The following PARM1 variants were observed in gnomAD, a reference collection of about 807,000 sequenced individuals.
The protein encoded by PARM1 is WSC4, cell wall integrity and stress response component 4 homolog.
A neutral mutation model predicts 24.6 loss-of-function variants in PARM1; 14 were observed. The observed-to-expected ratio is 0.57, with a 90% CI of 0.38 to 0.89. The LOEUF is 0.89. PARM1 is among the 40% of genes least tolerant of loss of function. The pLI is 0.00. For synonymous variants in PARM1, 179 were observed against 156.6 expected, an observed-to-expected ratio of 1.14 and a Z score of -1.07; for missense variants, 362 against 380.4, an observed-to-expected ratio of 0.95 and a Z score of 0.40.
intron 1 of PARM1, 140 bp downstream of exon 1, chr4:74,933,510 G>C: frequency 2.8e-6 from 2 of 710,084 alleles, no homozygotes; most frequent in East Asian, 2.7e-5. Context: ...TGCGCACTTA[G>C]ATTTGGGGTG....
At chr4:74,944,457 G>C (rs1313840566) in intron 1 of PARM1, among the ~76,000 whole-genome samples, 4 of 152,136 alleles carry the variant, frequency 2.6e-5, no homozygotes, top group Non-Finnish European at 5.9e-5. Flanking sequence ...TGGCCCCAGA[G>C]AGTAGCTCTG....
intron 1 of PARM1, among the ~76,000 whole-genome samples, chr4:74,958,034 G>A (rs1721679291): frequency 6.6e-6 from 1 of 152,112 alleles, no homozygotes; most frequent in South Asian, 2.1e-4. Flanking sequence ...AGAGGCTTGG[G>A]AATAACTACT....
intron 1 of PARM1, among the ~76,000 whole-genome samples, chr4:75,002,549 A>C (rs1722701757): frequency 6.6e-6 from 1 of 152,150 alleles, no homozygotes; most frequent in African/African-American, 2.4e-5. Context: ...TGTGACCTGC[A>C]GGCACAGGAG....
At chr4:75,011,556 T>G (rs548984730) in intron 1 of PARM1, among the ~76,000 whole-genome samples, 1 of 152,252 alleles carries the variant, frequency 6.6e-6, no homozygotes, top group Non-Finnish European at 1.5e-5. Context: ...AGGAGAGTAC[T>G]GGCACATAAA....
chr4:74,983,051 G>C (rs1159174538), intron 1 of PARM1, among the ~76,000 whole-genome samples: 1 of 152,194 alleles, frequency 6.6e-6, no homozygotes, highest in African/African-American at 2.4e-5. Flanking sequence ...ATATTGTCTT[G>C]TATCTATAGT....
chr4:75,017,324 A>G (rs769796416), intron 2 of PARM1, among the ~76,000 whole-genome samples: 2 of 152,210 alleles, frequency 1.3e-5, no homozygotes, highest in Non-Finnish European at 2.9e-5. Flanking sequence ...AGCAGGTCAT[A>G]GGACCTCTAC....
At chr4:74,969,251 C>G (rs960075620) in intron 1 of PARM1, among the ~76,000 whole-genome samples, 1 of 152,088 alleles carries the variant, frequency 6.6e-6, no homozygotes, top group African/African-American at 2.4e-5. Flanking sequence ...GTTGAGGGGG[C>G]GGCTGTCTAA....
At chr4:74,936,297 C>T (rs1721182129) in intron 1 of PARM1, among the ~76,000 whole-genome samples, 1 of 152,110 alleles carries the variant, frequency 6.6e-6, no homozygotes, top group South Asian at 2.1e-4. Context: ...AAAATACAAA[C>T]CAGAGCCTCC....
At chr4:74,968,286 G>A (rs1239794768) in intron 1 of PARM1, among the ~76,000 whole-genome samples, 4 of 152,076 alleles carry the variant, frequency 2.6e-5, no homozygotes, top group Non-Finnish European at 4.4e-5. Context: ...TTGAGCATTT[G>A]TTTCAAGATA....
At chr4:74,981,918 C>T (rs1161248191) in intron 1 of PARM1, among the ~76,000 whole-genome samples, 2 of 149,004 alleles carry the variant, frequency 1.3e-5, no homozygotes, top group Admixed American at 6.7e-5. Flanking sequence ...CCAGAGATAT[C>T]ATTTGACCCA....
chr4:74,961,227 G>T (rs1363892251), intron 1 of PARM1, among the ~76,000 whole-genome samples: 2 of 152,044 alleles, frequency 1.3e-5, no homozygotes, highest in East Asian at 3.8e-4. Context: ...TGAACTTGAA[G>T]ACAGGACAAT....
chr4:74,994,782 G>A (rs1037834199), intron 1 of PARM1, among the ~76,000 whole-genome samples: 1 of 146,734 alleles, frequency 6.8e-6, no homozygotes, highest in South Asian at 2.2e-4. Context: ...GACAGAGCAA[G>A]ACTCTGTCTC....
At chr4:75,040,468 A>G (rs1723461338) in intron 3 of PARM1, among the ~76,000 whole-genome samples, 1 of 152,244 alleles carries the variant, frequency 6.6e-6, no homozygotes, top group Non-Finnish European at 1.5e-5. Context: ...AAAAATAAAT[A>G]TTTGGAAATA....
intron 3 of PARM1, among the ~76,000 whole-genome samples, chr4:75,037,088 C>T (rs1186340265): frequency 6.6e-6 from 1 of 152,136 alleles, no homozygotes; most frequent in Non-Finnish European, 1.5e-5. Context: ...GTCGGAAAGC[C>T]CCATTAATCG....
chr4:74,940,793 A>G (rs1439185823), intron 1 of PARM1, among the ~76,000 whole-genome samples: 1 of 152,222 alleles, frequency 6.6e-6, no homozygotes, highest in African/African-American at 2.4e-5. Context: ...GAACAGTAAC[A>G]ATTATTTTAA....
intron 1 of PARM1, among the ~76,000 whole-genome samples, chr4:74,941,726 G>C (rs1258283468): frequency 6.6e-6 from 1 of 152,102 alleles, no homozygotes; most frequent in South Asian, 2.1e-4. Flanking sequence ...CATGAAAGGG[G>C]GTGAAGAATA....
At chr4:74,973,858 G>A (rs942945429) in intron 1 of PARM1, among the ~76,000 whole-genome samples, 3 of 152,006 alleles carry the variant, frequency 2.0e-5, no homozygotes, top group Admixed American at 1.3e-4. Context: ...ACATGTATGT[G>A]TGTGTGTGTG....
chr4:74,938,422 A>T (rs1457179284), intron 1 of PARM1, among the ~76,000 whole-genome samples: 2 of 152,242 alleles, frequency 1.3e-5, no homozygotes, highest in Admixed American at 1.3e-4. Flanking sequence ...ACATTAGTTT[A>T]TAAATCAAAC....
chr4:75,026,454 C>T (rs550795337), intron 2 of PARM1, among the ~76,000 whole-genome samples: 1 of 152,218 alleles, frequency 6.6e-6, no homozygotes, highest in South Asian at 2.1e-4. Context: ...ACTAAATTGT[C>T]CCATACAAAA....
Sources: allele counts gnomAD v4.1 joint callset (sites outside exome capture counted in the v4.1 genomes callset), GRCh38; gene constraint gnomAD v4.1.1; transcripts MANE v1.5; gene names NCBI Gene and HGNC (gene_info 2026-07-23, HGNC 2026-07-21).